The following AFF3 variants were observed in gnomAD, a reference collection of about 807,000 sequenced individuals.
AFF3 encodes the protein AF4/FMR2 family member 3.
AFF3 carries 32 observed loss-of-function variants against 129.7 expected under a neutral mutation model. That is an observed-to-expected ratio of 0.25 (90% confidence interval 0.19 to 0.33). The LOEUF (loss-of-function observed/expected upper bound fraction) is 0.33, where lower values mean the gene tolerates loss of function less well. AFF3 is among the 10% of genes least tolerant of loss of function. The probability of loss-of-function intolerance (pLI) is 1.00; values close to 1 mark genes in which losing one functional copy is unlikely to be tolerated. For missense variants in AFF3, 1,373 were observed against 1,592.0 expected (o/e 0.86, Z 2.34); for synonymous variants, 644 against 635.4 (o/e 1.01, Z -0.20).
intron 4 of AFF3, among the ~76,000 whole-genome samples, chr2:100,022,594 T>C (rs994903483): frequency 1.3e-5 from 2 of 152,038 alleles, no homozygotes; most frequent in African/African-American, 2.4e-5. Context: ...TTATTTTTAG[T>C]AGAGATGGGG....
intron 13 of AFF3, among the ~76,000 whole-genome samples, chr2:99,625,258 G>A (rs1486834912): frequency 2.0e-5 from 3 of 152,116 alleles, no homozygotes; most frequent in African/African-American, 7.2e-5. Context: ...CGTTTGCGTA[G>A]GGTTGCCAGG....
At chr2:99,978,708 A>T (rs999182906) in intron 7 of AFF3, among the ~76,000 whole-genome samples, 1 of 152,164 alleles carries the variant, frequency 6.6e-6, no homozygotes, top group African/African-American at 2.4e-5. Flanking sequence ...AGGTGACTAG[A>T]TCATAAGGGC....
At chr2:99,907,388 G>A (rs146222750) in intron 7 of AFF3, among the ~76,000 whole-genome samples, 5 of 152,210 alleles carry the variant, frequency 3.3e-5, no homozygotes, top group Admixed American at 3.3e-4. Flanking sequence ...GAAGTAATTC[G>A]AGTATTACCA....
chr2:99,955,865 G>A (rs1298113742), intron 7 of AFF3, among the ~76,000 whole-genome samples: 2 of 152,250 alleles, frequency 1.3e-5, no homozygotes, highest in East Asian at 3.9e-4. Flanking sequence ...CATATTCAGA[G>A]AGTATTGAGA....
intron 8 of AFF3, among the ~76,000 whole-genome samples, chr2:99,776,099 T>C (rs1683883329): frequency 6.6e-6 from 1 of 151,946 alleles, no homozygotes; most frequent in Non-Finnish European, 1.5e-5. Context: ...GGAAACAAAG[T>C]GTGGGGAACT....
intron 7 of AFF3, among the ~76,000 whole-genome samples, chr2:100,000,554 TCAA>T (rs946324131): frequency 6.6e-5 from 10 of 151,996 alleles, no homozygotes; most frequent in Non-Finnish European, 1.2e-4. Context: ...AAAATCACTC[TCAA>T]CAATATACTC....
intron 11 of AFF3, among the ~76,000 whole-genome samples, chr2:99,673,252 C>G (rs1687324818): frequency 6.6e-6 from 1 of 151,922 alleles, no homozygotes; most frequent in African/African-American, 2.4e-5. Flanking sequence ...TTAGGCCATC[C>G]ATCAGTCAAA....
chr2:99,672,694 T>A, intron 11 of AFF3, 105 bp from the exon 12 acceptor site: 2 of 1,067,136 alleles, frequency 1.9e-6, no homozygotes, highest in Non-Finnish European at 2.8e-6. Context: ...AGCAACATTT[T>A]GGAAATAAGT....
At chr2:99,956,118 A>T (rs1676619957) in intron 7 of AFF3, among the ~76,000 whole-genome samples, 1 of 145,994 alleles carries the variant, frequency 6.8e-6, no homozygotes, top group Non-Finnish European at 1.5e-5. Flanking sequence ...CTCCTCATTT[A>T]GTCTTTTTTT....
At chr2:99,898,410 C>T (rs1694123607) in intron 7 of AFF3, among the ~76,000 whole-genome samples, 1 of 152,178 alleles carries the variant, frequency 6.6e-6, no homozygotes, top group Non-Finnish European at 1.5e-5. Flanking sequence ...ATCTCGCAGC[C>T]ACATCCTTGC....
chr2:99,592,943 C>A (rs58560643), intron 15 of AFF3, among the ~76,000 whole-genome samples: 51,192 of 122,824 alleles, frequency 0.42, 8,989 homozygotes, highest in East Asian at 0.54. Context: ...CCCCCCCCCC[C>A]AAAAAAAGGG....
rs190979668 is a variant in AFF3 at position 100,093,740 on chromosome 2, A to T, written c.53+10662T>A. On this transcript the variant is annotated intron_variant, in intron 4 of 24. Coordinates refer to ENST00000672756, the MANE Select transcript of AFF3 (RefSeq NM_001386135.1). ...GCACGTAGACATGCTTCTGCAAAAA[A>T]CTCAGCAGGCTCCAAGTCAAACTCT... Among the ~76,000 whole-genome samples the T allele has an allele frequency of 2.0e-3, 300 of 152,016 alleles. 6 individuals carry two copies. Among genetic ancestry groups the T allele is most frequent in the African/African-American group, 7.0e-3 (289 of 41,474 alleles).
chr2:99,811,844 G>A (rs1477109576), intron 8 of AFF3, among the ~76,000 whole-genome samples: 1 of 152,234 alleles, frequency 6.6e-6, no homozygotes, highest in Non-Finnish European at 1.5e-5. Flanking sequence ...TATTTTCTTT[G>A]TATGAATAAA....
At chr2:99,764,477 T>C (rs929053024) in intron 8 of AFF3, among the ~76,000 whole-genome samples, 11 of 152,210 alleles carry the variant, frequency 7.2e-5, no homozygotes, top group Non-Finnish European at 1.5e-4. Flanking sequence ...ACCTGTCTTA[T>C]TATCTCTCTG....
intron 7 of AFF3, among the ~76,000 whole-genome samples, chr2:99,932,775 T>G (rs113253639): frequency 6.6e-6 from 1 of 152,200 alleles, no homozygotes; most frequent in Non-Finnish European, 1.5e-5. Flanking sequence ...AGAAAATTCA[T>G]TTTCAAGAGT....
chr2:100,088,139 T>C (rs1345821676), intron 4 of AFF3, among the ~76,000 whole-genome samples: 1 of 146,086 alleles, frequency 6.8e-6, no homozygotes, highest in Non-Finnish European at 1.5e-5. Context: ...ACTCCACTAC[T>C]ATTTAACATT....
At chr2:100,074,304 A>G (rs1688425895) in intron 4 of AFF3, among the ~76,000 whole-genome samples, 1 of 152,078 alleles carries the variant, frequency 6.6e-6, no homozygotes, top group Non-Finnish European at 1.5e-5. Context: ...CCACCTGTCC[A>G]AAGTATTCCT....
At chr2:99,954,682 G>A (rs867566169) in intron 7 of AFF3, among the ~76,000 whole-genome samples, 6 of 144,918 alleles carry the variant, frequency 4.1e-5, no homozygotes, top group Non-Finnish European at 6.0e-5. Flanking sequence ...ACCAAACACC[G>A]CATATTCTCA....
chr2:99,744,018 A>T, intron 10 of AFF3, 86 bp downstream of exon 10: 1 of 1,225,242 alleles, frequency 8.2e-7, no homozygotes, highest in Non-Finnish European at 1.2e-6. Context: ...CCTACTGTCC[A>T]ATGTGTGCTC....
Sources: allele counts gnomAD v4.1 joint callset (sites outside exome capture counted in the v4.1 genomes callset), GRCh38; gene constraint gnomAD v4.1.1; transcripts MANE v1.5; gene names NCBI Gene and HGNC (gene_info 2026-07-23, HGNC 2026-07-21).